PTPRT: variants seen among roughly 807,000 people sequenced by gnomAD.
The protein encoded by PTPRT is protein tyrosine phosphatase receptor type T.
Under a neutral mutation model 176.8 loss-of-function variants are expected in PTPRT, and 56 were observed. That is an observed-to-expected ratio of 0.32 (90% confidence interval 0.26 to 0.40). The LOEUF (loss-of-function observed/expected upper bound fraction) is 0.40, where lower values mean the gene tolerates loss of function less well. Among genes scored for constraint, PTPRT ranks in the 10% least tolerant of loss-of-function variants. The pLI is 1.00. For synonymous variants in PTPRT, 783 were observed against 739.0 expected (o/e 1.06, Z -0.96); for missense variants, 1,540 against 1,908.2 (o/e 0.81, Z 3.60).
At chr20:42,973,291 GA>G (rs1253913837) in intron 1 of PTPRT, among the ~76,000 whole-genome samples, 6 of 151,720 alleles carry the variant, frequency 4.0e-5, no homozygotes, top group Non-Finnish European at 8.8e-5. Context: ...TTTTGGGGAG[GA>G]AAAAAAACCT....
intron 9 of PTPRT, among the ~76,000 whole-genome samples, chr20:42,359,752 AG>A (rs2058406591): frequency 6.6e-6 from 1 of 152,250 alleles, no homozygotes; most frequent in Admixed American, 6.5e-5. Flanking sequence ...TCAGGGTCAG[AG>A]GCTCAGCCTG....
chr20:42,540,310 C>T (rs984015084), intron 7 of PTPRT, among the ~76,000 whole-genome samples: 3 of 151,950 alleles, frequency 2.0e-5, no homozygotes, highest in Admixed American at 6.6e-5. Flanking sequence ...GAGTCAATGA[C>T]GGAAGGTCTT....
intron 9 of PTPRT, among the ~76,000 whole-genome samples, chr20:42,373,827 C>T (rs1275715799): frequency 6.6e-6 from 1 of 152,194 alleles, no homozygotes; most frequent in Non-Finnish European, 1.5e-5. Flanking sequence ...CTGTACCACC[C>T]TACAGTTCAT....
chr20:42,736,783 G>A (rs2076547224), intron 6 of PTPRT, among the ~76,000 whole-genome samples: 1 of 151,996 alleles, frequency 6.6e-6, no homozygotes, highest in Non-Finnish European at 1.5e-5. Flanking sequence ...TGGCCTGACA[G>A]TAAGACAAAG....
chr20:42,916,779 G>T (rs1487279424), intron 1 of PTPRT, among the ~76,000 whole-genome samples: 1 of 152,132 alleles, frequency 6.6e-6, no homozygotes, highest in African/African-American at 2.4e-5. Flanking sequence ...AGAAGTGTCT[G>T]TTCATATCCT....
chr20:42,586,941 G>T (rs1430660455), intron 7 of PTPRT, among the ~76,000 whole-genome samples: 1 of 152,132 alleles, frequency 6.6e-6, no homozygotes, highest in African/African-American at 2.4e-5. Flanking sequence ...GGAGTGAGTG[G>T]TATGTGAGTC....
intron 16 of PTPRT, among the ~76,000 whole-genome samples, chr20:42,174,045 A>G (rs1037375800): frequency 3.9e-5 from 6 of 152,176 alleles, no homozygotes; most frequent in African/African-American, 9.7e-5. Flanking sequence ...CAGAGAGTGT[A>G]TTATTTTTCA....
chr20:42,311,504 C>T (rs905187359), intron 12 of PTPRT, among the ~76,000 whole-genome samples: 46 of 152,274 alleles, frequency 3.0e-4, no homozygotes, highest in African/African-American at 9.9e-4. Flanking sequence ...GTAAATTATT[C>T]CACCTGGCTC....
At chr20:42,744,519 T>C (rs2076662124) in intron 6 of PTPRT, among the ~76,000 whole-genome samples, 1 of 152,254 alleles carries the variant, frequency 6.6e-6, no homozygotes, top group Non-Finnish European at 1.5e-5. Flanking sequence ...TAGAAAGTTT[T>C]CATTCAAGAC....
At chr20:42,180,260 C>T (rs940479308) in intron 16 of PTPRT, among the ~76,000 whole-genome samples, 1 of 152,158 alleles carries the variant, frequency 6.6e-6, no homozygotes, top group African/African-American at 2.4e-5. Context: ...ACCTTTACAG[C>T]TGGAACAGGG....
intron 6 of PTPRT, among the ~76,000 whole-genome samples, chr20:42,746,081 A>G (rs2076686592): frequency 6.6e-6 from 1 of 152,220 alleles, no homozygotes; most frequent in South Asian, 2.1e-4. Flanking sequence ...TAATTTCCAA[A>G]TGCGTTAAAA....
chr20:42,559,057 C>T (rs962432911), intron 7 of PTPRT, among the ~76,000 whole-genome samples: 59 of 152,186 alleles, frequency 3.9e-4, no homozygotes, highest in African/African-American at 1.4e-3. Context: ...GATGTTCCTG[C>T]ACGGTCTTTC....
intron 17 of PTPRT, among the ~76,000 whole-genome samples, chr20:42,146,616 A>AAAT (rs1366334416): frequency 2.0e-5 from 3 of 152,182 alleles, no homozygotes; most frequent in Non-Finnish European, 2.9e-5. Flanking sequence ...TAATTTTTGC[A>AAAT]AATAGTGACT....
At chr20:42,829,123 C>T (rs945199194) in intron 2 of PTPRT, among the ~76,000 whole-genome samples, 1 of 152,200 alleles carries the variant, frequency 6.6e-6, no homozygotes, top group Admixed American at 6.5e-5. Flanking sequence ...GGGCACCCAT[C>T]TCTTCCATCA....
At chr20:42,919,737 C>T (rs1027403454) in intron 1 of PTPRT, among the ~76,000 whole-genome samples, 38 of 152,208 alleles carry the variant, frequency 2.5e-4, no homozygotes, top group Non-Finnish European at 1.2e-4. Flanking sequence ...AGTAAGAAGA[C>T]CTTCGAATTC....
intron 3 of PTPRT, among the ~76,000 whole-genome samples, chr20:42,784,635 G>A (rs1219489804): frequency 6.6e-6 from 1 of 152,080 alleles, no homozygotes; most frequent in East Asian, 1.9e-4. Flanking sequence ...TCTACAGAGT[G>A]CCACATAGCA....
At chr20:42,621,753 C>T (rs1457641372) in intron 7 of PTPRT, among the ~76,000 whole-genome samples, 1 of 152,190 alleles carries the variant, frequency 6.6e-6, no homozygotes, top group Non-Finnish European at 1.5e-5. Context: ...TACCTAGATC[C>T]TGGTGACTCT....
At chr20:42,318,148 G>T (rs567832443) in intron 11 of PTPRT, among the ~76,000 whole-genome samples, 3 of 152,284 alleles carry the variant, frequency 2.0e-5, no homozygotes, top group African/African-American at 7.2e-5. Context: ...CACCATCTAT[G>T]CATGTTCATA....
At chr20:42,409,481 C>CAAAAAAAAAAAAAAAAAAAAAAAAA (rs58932390) in intron 9 of PTPRT, among the ~76,000 whole-genome samples, 2 of 112,144 alleles carry the variant, frequency 1.8e-5, no homozygotes, top group Non-Finnish European at 3.6e-5. Context: ...GACTCTGTCG[C>CAAAAAAAAAAAAAAAAAAAAAAAAA]AAAAAAAAAA....
Sources: allele counts gnomAD v4.1 joint callset (sites outside exome capture counted in the v4.1 genomes callset), GRCh38; gene constraint gnomAD v4.1.1; transcripts MANE v1.5; gene names NCBI Gene and HGNC (gene_info 2026-07-23, HGNC 2026-07-21).